PDIA2: variants seen among roughly 807,000 people sequenced by gnomAD.
PDIA2 encodes the protein protein disulfide isomerase family A member 2.
Under a neutral mutation model 51.1 loss-of-function variants are expected in PDIA2, and 76 were observed. That is an observed-to-expected ratio of 1.49 (90% CI 1.24 to 1.80). The LOEUF is 1.80. Ranked by LOEUF, PDIA2 falls within the 40% of genes most tolerant of loss-of-function variation. The pLI, the probability that PDIA2 is intolerant of heterozygous loss-of-function variation, is 0.00. For synonymous variants in PDIA2, 429 were observed against 309.9 expected (o/e 1.38, Z -4.04); for missense variants, 946 against 706.5 (o/e 1.34, Z -3.84).
In PDIA2 at chr16:286,663, C is replaced by G. The variant is rs959103158; in HGVS notation, c.1350C>G (p.Ala450=). Residue 450 remains alanine (A), a synonymous_variant, in exon 9 of 11, where the codon GCC becomes GCG. Transcript: ENST00000219406. ...DIIIAELDAT[A]NELDAFAVHG... Reference sequence around the variant, plus strand: ...TCATTGCTGAGCTGGATGCCACGGCCAACGAGCTGGATGCCTTCGCTGTGC... The same window carrying G: ...TCATTGCTGAGCTGGATGCCACGGCGAACGAGCTGGATGCCTTCGCTGTGC... 6.2e-7 allele frequency: 1 copy of G among 1,612,570 alleles called. No homozygotes were observed. Among genetic ancestry groups the G allele is most frequent in the African/African-American group, 1.3e-5 (1 of 74,938 alleles).
At chr16:286,799 C>T (rs748894393) in intron 9 of PDIA2, 36 bp from the exon 10 acceptor site, 2 of 1,611,576 alleles carry the variant, frequency 1.2e-6, no homozygotes, top group East Asian at 2.2e-5. Context: ...GGGGCTGGGC[C>T]CCACGTGTCC....
At position 285,577 on chromosome 16, in the gene PDIA2, G is replaced by C. The variant is rs200996059; in HGVS notation, c.993G>C (p.Glu331Asp). 143 of 1,613,090 alleles carry C rather than the reference G, an allele frequency of 8.9e-5. No individual in the cohort carries two copies. The highest frequency in any genetic ancestry group is 1.6e-4 in the Middle Eastern group (1 of 6,080). ...HVLQYFGLKA[E>D]AAPTLRLVNL... ...TGCAGTACTTTGGACTCAAGGCTGA[G>C]GCAGCCCCCACTCTGCGCTTGGTCA... Residue 331 changes from glutamate (E) to aspartate (D), a missense_variant, in exon 7 of 11, where the codon GAG (glutamate) becomes GAC (aspartate). Coordinates refer to ENST00000219406, the MANE Select transcript of PDIA2 (RefSeq NM_006849.4).
In PDIA2 at chr16:283,283, C is replaced by G; in HGVS notation, c.114C>G (p.Ile38Met). ...SPSEEPPEEE[I>M]PKEDGILVLS... is the part of the protein sequence containing the mutation. The stretch of plus-strand genomic sequence containing the variant: ...CGGAGGAGCCTCCAGAGGAGGAAAT[C>G]CCCAAGGAGGATGGGATCTTGGTGC... Residue 38 changes from isoleucine to methionine, a missense_variant, in exon 1 of 11, where the codon ATC (isoleucine) becomes ATG (methionine). Physicochemically the swap from Ile to Met is conservative, Grantham distance 10. Transcript: ENST00000219406. 2 of 1,611,380 alleles carry G rather than the reference C, an allele frequency of 1.2e-6. No individual in the cohort carries two copies. Among genetic ancestry groups the G allele is most frequent in the Non-Finnish European group, 1.7e-6 (2 of 1,179,342 alleles).
chr16:284,012 A>G (rs529450642), intron 1 of PDIA2: 42 of 314,552 alleles, frequency 1.3e-4, no homozygotes, highest in African/African-American at 8.1e-4. Context: ...TTATAGGCAT[A>G]CGCAACCAAT....
chr16:285,228 G>T (rs377643450), intron 5 of PDIA2, 28 bp downstream of exon 5: 2 of 1,612,898 alleles, frequency 1.2e-6, no homozygotes, highest in East Asian at 2.2e-5. Flanking sequence ...CCTGGGCTGG[G>T]GGTGTCCCAG....
rs747264012 is a variant in PDIA2 at position 284,555 on chromosome 16, T to C, written c.368T>C (p.Phe123Ser). The change falls in exon 2 of 11, where the codon TTC (phenylalanine) becomes TCC (serine). Residue 123 changes from phenylalanine (F) to serine (S), a missense_variant. Phe to Ser is a radical substitution (Grantham distance 155). Transcript: ENST00000219406. ...GVTEYPTLKFFRNGNRTHPEE... is the reference protein window; with the variant it reads ...GVTEYPTLKFSRNGNRTHPEE... ...ACGGAGTACCCTACGCTCAAGTTCTTCCGCAATGGGAACCGCACGCACCCG... is the reference window on the plus strand; with the variant it reads ...ACGGAGTACCCTACGCTCAAGTTCTCCCGCAATGGGAACCGCACGCACCCG... 12 of 1,612,744 alleles carry C rather than the reference T, an allele frequency of 7.4e-6. No individual in the cohort carries two copies. Among genetic ancestry groups the C allele is most frequent in the Non-Finnish European group, 8.5e-6 (10 of 1,179,760 alleles).
intron 7 of PDIA2, 76 bp from the exon 8 acceptor site, chr16:286,277 C>T: frequency 2.2e-6 from 2 of 908,750 alleles, no homozygotes; most frequent in Non-Finnish European, 2.9e-6. Flanking sequence ...CTCCCCCCCA[C>T]CCCCCAGGCC....
At chr16:284,239 C>T in intron 1 of PDIA2, 148 bp from the exon 2 acceptor site, 1 of 782,594 alleles carries the variant, frequency 1.3e-6, no homozygotes. Context: ...CCTGGGGGGC[C>T]ACGAAGAGGC....
In PDIA2 at chr16:286,353, C is replaced by T; in HGVS notation, c.1120C>T (p.Pro374Ser). ...AAGCGCCTGTCCTGGTTTCCCCCAGCCCTATCTCCTGAGCCAGGAGATACC... is the reference window on the plus strand; with the variant it reads ...AAGCGCCTGTCCTGGTTTCCCCCAGTCCTATCTCCTGAGCCAGGAGATACC... Reference protein sequence around the residue: ...CHAVLNGQVKPYLLSQEIPPD... With the variant: ...CHAVLNGQVKSYLLSQEIPPD... The change falls in exon 8 of 11, where the codon CCC becomes TCC. Residue 374 changes from proline to serine, a missense_variant and splice_region_variant. Pro to Ser is a moderately conservative substitution (Grantham distance 74, BLOSUM62 -1). Transcript: ENST00000219406. The T allele has an allele frequency of 6.2e-7, 1 of 1,607,418 alleles. No individual in the cohort carries two copies. Among genetic ancestry groups the T allele is most frequent in the Non-Finnish European group, 8.5e-7 (1 of 1,178,330 alleles).
At chr16:283,640 A>G (rs1405756024) in intron 1 of PDIA2, among the ~76,000 whole-genome samples, 1 of 152,158 alleles carries the variant, frequency 6.6e-6, no homozygotes, top group Non-Finnish European at 1.5e-5. Context: ...CAGAGTCACC[A>G]CCTTGCCGGC....
intron 1 of PDIA2, 88 bp from the exon 2 acceptor site, chr16:284,299 C>A (rs1344035987): frequency 2.3e-6 from 3 of 1,310,140 alleles, no homozygotes; most frequent in Non-Finnish European, 2.1e-6. Flanking sequence ...AATGGAGCAG[C>A]ACGCTTGTTC....
rs748876264 is a variant in PDIA2 at position 285,676 on chromosome 16, C to T, written c.1092C>T (p.Cys364=). The change falls in exon 7 of 11, where the codon TGC becomes TGT. Residue 364 remains cysteine (C), a synonymous_variant. Coordinates refer to ENST00000219406, the MANE Select transcript of PDIA2 (RefSeq NM_006849.4). ...PVTAASITAF[C]HAVLNGQVKP... ...CCGCAGCGTCCATCACTGCTTTCTG[C>T]CATGCAGTCCTCAACGGCCAAGTCA... The T allele has an allele frequency of 1.2e-6, 2 of 1,613,174 alleles. No individual in the cohort carries two copies. The highest frequency in any genetic ancestry group is 1.7e-5 in the Admixed American group (1 of 59,990).
chr16:285,490 G>A lies in PDIA2; in HGVS notation c.922-16G>A, dbSNP rs2052343236. ...GCGGGAGAGTGGCCGGTGCCAGCAT[G>A]GACTCCCTGCCACAGGTGCTGTTCG... On this transcript the variant is annotated splice_polypyrimidine_tract_variant and intron_variant, in intron 6 of 10. Coordinates refer to ENST00000219406, the MANE Select transcript of PDIA2 (RefSeq NM_006849.4). The A allele has an allele frequency of 6.2e-7, 1 of 1,612,224 alleles. No homozygotes were observed. Among genetic ancestry groups the A allele is most frequent in the Admixed American group, 1.7e-5 (1 of 59,986 alleles).
Position 284,400 on chromosome 16 carries a change from T to C in PDIA2, c.213T>C (p.Cys71=). 5.1e-6 allele frequency: 8 copies of C among 1,563,774 alleles called. No individual in the cohort carries two copies. Among genetic ancestry groups the C allele is most frequent in the Non-Finnish European group, 6.0e-6 (7 of 1,160,074 alleles). ...ALLVEFYAPW[C]GHCQALAPEY... is the part of the protein sequence containing the mutation. ...CCCATCCCCCAGATGCCCCGTGGTGTGGGCACTGCCAGGCCCTGGCCCCCG... is the reference window on the plus strand; with the variant it reads ...CCCATCCCCCAGATGCCCCGTGGTGCGGGCACTGCCAGGCCCTGGCCCCCG... Residue 71 remains cysteine, a synonymous_variant, in exon 2 of 11, where the codon TGT becomes TGC. Transcript: ENST00000219406.
intron 7 of PDIA2, among the ~76,000 whole-genome samples, chr16:286,073 G>GTCCCTCCCCCCACCAAACCCCACAGTTC (rs1461402428): frequency 0.016 from 748 of 46,414 alleles, 85 homozygotes; most frequent in Admixed American, 0.027. Flanking sequence ...CCCCACAGAG[G>GTCCCTCCCCCCACCAAACCCCACAGTTC]TCCCTCCCCC....
intron 5 of PDIA2, 39 bp from the exon 6 acceptor site, chr16:285,273 G>C: frequency 1.2e-6 from 2 of 1,612,000 alleles, no homozygotes; most frequent in Non-Finnish European, 1.7e-6. Flanking sequence ...TGCCTAGGCT[G>C]GGGGTCCTGT....
Position 286,684 on chromosome 16 carries a change from T to A in PDIA2, c.1371T>A (p.Ala457=), listed in dbSNP as rs770329015. The change falls in exon 9 of 11, where the codon GCT becomes GCA. Residue 457 remains alanine (A), a synonymous_variant. Transcript: ENST00000219406. ...DATANELDAF[A]VHGFPTLKYF... is the part of the protein sequence containing the mutation. Reference sequence around the variant, plus strand: ...CGGCCAACGAGCTGGATGCCTTCGCTGTGCACGGCTTCCCTACTCTCAAGT... The same window carrying A: ...CGGCCAACGAGCTGGATGCCTTCGCAGTGCACGGCTTCCCTACTCTCAAGT... The A allele has an allele frequency of 1.2e-6, 2 of 1,612,326 alleles. No homozygotes were observed. Among genetic ancestry groups the A allele is most frequent in the Non-Finnish European group, 1.7e-6 (2 of 1,179,982 alleles).
Position 285,101 on chromosome 16 carries a change from A to T in PDIA2, c.696A>T (p.Ala232=). 6.2e-7 allele frequency: 1 copy of T among 1,613,036 alleles called. No individual in the cohort carries two copies. Among genetic ancestry groups the T allele is most frequent in the Non-Finnish European group, 8.5e-7 (1 of 1,179,996 alleles). ...VLFKKFDEGR[A]DFPVDEELGL... ...CTGTCCAGTTTGATGAGGGGCGGGC[A>T]GACTTCCCCGTGGACGAGGAGCTTG... is the stretch of plus-strand genomic sequence containing the variant. Residue 232 remains alanine (A), a synonymous_variant, in exon 5 of 11, where the codon GCA becomes GCT. Transcript: ENST00000219406.
intron 1 of PDIA2, among the ~76,000 whole-genome samples, chr16:283,626 G>T (rs147884603): frequency 6.6e-6 from 1 of 152,226 alleles, no homozygotes; most frequent in African/African-American, 2.4e-5. Context: ...AGCGGCCACG[G>T]TGCCAGAGTC....
Sources: gnomAD v4.1 joint callset for allele counts (sites outside exome capture counted in the v4.1 genomes callset) on GRCh38, gnomAD v4.1.1 for gene constraint, MANE v1.5 for transcripts, NCBI Gene and HGNC (gene_info 2026-07-23, HGNC 2026-07-21) for gene names.